Variants in ARHGEF3 observed in about 807,000 individuals in gnomAD.
The protein encoded by ARHGEF3 is 59.8 kDA protein.
A neutral mutation model predicts 63.2 loss-of-function variants in ARHGEF3; 28 were observed. The ratio of observed to expected loss-of-function variants is 0.44; its 90% CI spans 0.33 to 0.61. ARHGEF3 has a LOEUF of 0.61. Among genes scored for constraint, ARHGEF3 ranks in the 20% least tolerant of loss-of-function variants. The pLI is 0.03. For synonymous variants in ARHGEF3, 266 were observed against 254.2 expected, an observed-to-expected ratio of 1.05 and a Z score of -0.44; for missense variants, 533 against 659.3, an observed-to-expected ratio of 0.81 and a Z score of 2.10.
intron 4 of ARHGEF3, among the ~76,000 whole-genome samples, chr3:56,844,433 C>T (rs1410063141): frequency 2.0e-5 from 3 of 152,078 alleles, no homozygotes; most frequent in African/African-American, 7.2e-5. Flanking sequence ...TCTTGTCTGC[C>T]TCTGTTAATT....
chr3:56,923,034 A>ATATATATATT (rs2042183396), intron 3 of ARHGEF3, among the ~76,000 whole-genome samples: 2 of 7,378 alleles, frequency 2.7e-4, no homozygotes, highest in Admixed American at 1.0e-3. Flanking sequence ...AAATATATAT[A>ATATATATATT]TATATATATA....
rs373287205 is a variant in ARHGEF3 at position 56,830,084 on chromosome 3, A to G, written c.192+52208T>C. 1.8e-4 allele frequency among the ~76,000 whole-genome samples: 28 copies of G among 152,306 alleles called. No homozygotes were observed. The East Asian group carries it at 2.5e-3, about 14-fold the overall frequency. On this transcript the variant is annotated intron_variant, in intron 4 of 12. Transcript: ENST00000338458. ...GGTGTAATTTGCTCAGGGTCATAGA[A>G]TTTGTAAGTAGCAGAGCTGGGGTTT...
intron 1 of ARHGEF3, among the ~76,000 whole-genome samples, chr3:57,071,672 A>AAAG (rs1705914409): frequency 6.6e-6 from 1 of 152,058 alleles, no homozygotes; most frequent in Non-Finnish European, 1.5e-5. Context: ...AAAAAAAAAA[A>AAAG]AAAATATGCC....
intron 2 of ARHGEF3, among the ~76,000 whole-genome samples, chr3:57,022,792 T>TAGCAGGCTG (rs1703313356): frequency 6.6e-6 from 1 of 151,950 alleles, no homozygotes; most frequent in Non-Finnish European, 1.5e-5. Flanking sequence ...TGACTCGCAG[T>TAGCAGGCTG]AGCAGGCTGA....
At chr3:56,792,243 C>T (rs1171700947) in intron 1 of ARHGEF3, among the ~76,000 whole-genome samples, 3 of 152,106 alleles carry the variant, frequency 2.0e-5, no homozygotes, top group Admixed American at 1.3e-4. Flanking sequence ...CATGCCTGTC[C>T]CCTCTTCTCT....
chr3:57,024,126 A>C (rs183914349), intron 2 of ARHGEF3, among the ~76,000 whole-genome samples: 14 of 152,264 alleles, frequency 9.2e-5, no homozygotes, highest in Admixed American at 9.2e-4. Context: ...ACTTGCATAC[A>C]CACAGCACTC....
intron 3 of ARHGEF3, chr3:56,916,279 C>T: frequency 6.5e-7 from 1 of 1,532,494 alleles, no homozygotes; most frequent in Non-Finnish European, 8.7e-7. Flanking sequence ...GAGAGCCGGC[C>T]CATCCCAGGC....
intron 7 of ARHGEF3, 107 bp from the exon 8 acceptor site, chr3:56,737,462 C>T (rs2033705713): frequency 1.3e-6 from 1 of 794,108 alleles, no homozygotes; most frequent in Admixed American, 3.0e-5. Context: ...CTGGATCTAA[C>T]TCTGTTATCT....
At chr3:56,949,508 C>T (rs1034327985) in intron 3 of ARHGEF3, among the ~76,000 whole-genome samples, 2 of 152,070 alleles carry the variant, frequency 1.3e-5, no homozygotes, top group Admixed American at 1.3e-4. Context: ...AGAGCCAAAT[C>T]ATGAGTGAAC....
intron 2 of ARHGEF3, among the ~76,000 whole-genome samples, chr3:56,756,335 A>G (rs750600817): frequency 5.9e-5 from 9 of 151,722 alleles, no homozygotes; most frequent in Admixed American, 3.3e-4. Flanking sequence ...GGAAGTTTCA[A>G]CTCCTCATCT....
At chr3:56,744,695 C>G (rs2034269802) in intron 7 of ARHGEF3, among the ~76,000 whole-genome samples, 2 of 151,878 alleles carry the variant, frequency 1.3e-5, no homozygotes, top group Admixed American at 6.6e-5. Context: ...CATGAGCCAT[C>G]GTGCCTGGCC....
chr3:56,735,448 C>G (rs1279840842), intron 8 of ARHGEF3, among the ~76,000 whole-genome samples: 1 of 151,934 alleles, frequency 6.6e-6, no homozygotes, highest in Non-Finnish European at 1.5e-5. Context: ...GAAAAAAAAA[C>G]CCACAAGCCT....
At chr3:56,761,723 G>A (rs891731708) in intron 2 of ARHGEF3, among the ~76,000 whole-genome samples, 1 of 152,106 alleles carries the variant, frequency 6.6e-6, no homozygotes, top group African/African-American at 2.4e-5. Context: ...GAAACTTGAG[G>A]CTCAGAGAAG....
rs2037036889 is a variant in ARHGEF3 at position 56,790,727 on chromosome 3, C to T, written c.96+10976G>A. On this transcript the variant is annotated intron_variant, in intron 1 of 9. Coordinates refer to ENST00000296315, the MANE Select transcript of ARHGEF3 (RefSeq NM_019555.3). ...AGCACACTTGAAATGGGAGCTTGCC[C>T]TGGCCTTGGGTTCAGAAAGCACCCA... Among the ~76,000 whole-genome samples, 4 of 152,306 alleles carry T rather than the reference C, an allele frequency of 2.6e-5. No homozygotes were observed. In the South Asian group the frequency reaches 8.3e-4, roughly 32 times the overall value.
chr3:56,855,490 C>A (rs1198080615), intron 4 of ARHGEF3, among the ~76,000 whole-genome samples: 1 of 151,744 alleles, frequency 6.6e-6, no homozygotes. Context: ...TCAAGACCAG[C>A]CTGGCCAACA....
chr3:56,981,225 G>A (rs1182895856), intron 2 of ARHGEF3, among the ~76,000 whole-genome samples: 10 of 152,152 alleles, frequency 6.6e-5, no homozygotes, highest in Admixed American at 5.9e-4. Context: ...CCACACAGCT[G>A]GTTTTCCCTA....
chr3:57,045,820 T>C (rs1704429148), intron 1 of ARHGEF3, among the ~76,000 whole-genome samples: 1 of 152,152 alleles, frequency 6.6e-6, no homozygotes, highest in African/African-American at 2.4e-5. Flanking sequence ...CTAATTGAGG[T>C]TAAAACTGGA....
At chr3:56,730,740 A>G (rs1024527413) in intron 9 of ARHGEF3, among the ~76,000 whole-genome samples, 2 of 152,216 alleles carry the variant, frequency 1.3e-5, no homozygotes, top group Admixed American at 1.3e-4. Context: ...GCCACATGCA[A>G]TGCTTGGTTC....
rs578074019 is a variant in ARHGEF3 at position 56,915,291 on chromosome 3, C to T, written c.130-32937G>A. 2.3e-3 allele frequency among the ~76,000 whole-genome samples: 125 copies of T among 53,660 alleles called. 1 individual carries two copies. The highest frequency in any genetic ancestry group is 7.1e-3 in the African/African-American group (117 of 16,452). The allele number at this position is 53,660 out of a possible 152,430, so 35.2% of individuals were successfully genotyped here. A position where few individuals can be genotyped will look rare whatever the true frequency, so the allele number is the denominator to read the frequency against. On this transcript the variant is annotated intron_variant, in intron 3 of 12. Transcript: ENST00000338458. ...AGCCTGAGCAACATAGTAAGACCCA[C>T]GTCTCCACAAAAAAAAATGAAATAA...
Sources: gnomAD v4.1 joint callset for allele counts (sites outside exome capture counted in the v4.1 genomes callset) on GRCh38, gnomAD v4.1.1 for gene constraint, MANE v1.5 for transcripts, NCBI Gene and HGNC (gene_info 2026-07-23, HGNC 2026-07-21) for gene names.